The following ITPR2 variants were observed in gnomAD, a reference collection of about 807,000 sequenced individuals.
ITPR2 encodes the protein inositol 1,4,5-trisphosphate receptor type 2.
In ITPR2, 207 loss-of-function variants were observed where a neutral mutation model predicts 317.1. That is an observed-to-expected ratio of 0.65 (90% CI 0.58 to 0.73). The LOEUF is 0.73. ITPR2 is among the 30% of genes least tolerant of loss of function. The pLI, the probability that ITPR2 is intolerant of heterozygous loss-of-function variation, is 0.00. For synonymous variants in ITPR2, 1,156 were observed against 1,149.1 expected (o/e 1.01, Z -0.12); for missense variants, 2,613 against 3,284.0 (o/e 0.80, Z 4.99).
At chr12:26,595,652 A>G in intron 31 of ITPR2, 62 bp from the exon 32 acceptor site, 2 of 1,295,200 alleles carry the variant, frequency 1.5e-6, no homozygotes, top group Non-Finnish European at 2.1e-6. Context: ...TCAAATATCA[A>G]TTATGAAAGG....
chr12:26,640,548 T>C (rs914693269), intron 21 of ITPR2, among the ~76,000 whole-genome samples: 6 of 152,028 alleles, frequency 3.9e-5, no homozygotes, highest in Non-Finnish European at 8.8e-5. Flanking sequence ...AAGTCCCCCA[T>C]AGAACCAGAA....
chr12:26,820,925 G>C (rs1950929090), intron 1 of ITPR2, among the ~76,000 whole-genome samples: 1 of 152,136 alleles, frequency 6.6e-6, no homozygotes. Context: ...ACCTAGAATA[G>C]GCAAATTCAT....
chr12:26,627,357 G>A (rs1258028433), intron 23 of ITPR2: 1 of 152,100 alleles, frequency 6.6e-6, no homozygotes, highest in South Asian at 2.1e-4. Flanking sequence ...TTGGACTCTC[G>A]AGCTGGAGAG....
intron 34 of ITPR2, among the ~76,000 whole-genome samples, chr12:26,572,996 C>CATTT (rs369855705): frequency 0.02 from 2,986 of 149,532 alleles, 43 homozygotes; most frequent in Non-Finnish European, 0.023. Context: ...ACTTGGATTT[C>CATTT]ATTTATTTAT....
intron 54 of ITPR2, among the ~76,000 whole-genome samples, chr12:26,394,707 T>A (rs1474212224): frequency 6.6e-6 from 1 of 152,154 alleles, no homozygotes; most frequent in Non-Finnish European, 1.5e-5. Context: ...AGGAAATGAT[T>A]AATTCAGAGT....
In ITPR2 at chr12:26,600,028, C is replaced by T. The variant is rs1163196761; in HGVS notation, c.3760G>A (p.Val1254Ile). ...AAATTCAGATGTTTATGAAGAAGAA[C>T]TTGATTCTGTGGATTTCCTCGACAG... is the stretch of plus-strand genomic sequence containing the variant. The part of the protein sequence containing the change: ...NFCRGNPQNQ[V>I]LLHKHLNLFL... The change falls in exon 29 of 57, where the codon GTT becomes ATT. Residue 1254 changes from valine (V) to isoleucine (I), a missense_variant. Val to Ile is a conservative substitution (Grantham distance 29). Coordinates refer to ENST00000381340, the MANE Select transcript of ITPR2 (RefSeq NM_002223.4). 5 of 1,607,192 alleles carry T rather than the reference C, an allele frequency of 3.1e-6. No individual in the cohort carries two copies. The highest frequency in any genetic ancestry group is 4.3e-6 in the Non-Finnish European group (5 of 1,174,014).
At chr12:26,502,998 C>T (rs1209514460) in intron 37 of ITPR2, among the ~76,000 whole-genome samples, 3 of 152,070 alleles carry the variant, frequency 2.0e-5, no homozygotes. Flanking sequence ...CACTATCCTG[C>T]TCTATATTGG....
intron 34 of ITPR2, among the ~76,000 whole-genome samples, chr12:26,572,425 T>C (rs1945185769): frequency 4.6e-5 from 7 of 152,204 alleles, no homozygotes; most frequent in Admixed American, 4.6e-4. Context: ...TTTAACCCTT[T>C]AAGGAAGGGA....
At chr12:26,410,666 A>C (rs978406816) in intron 52 of ITPR2, among the ~76,000 whole-genome samples, 3 of 152,128 alleles carry the variant, frequency 2.0e-5, no homozygotes, top group African/African-American at 4.8e-5. Flanking sequence ...TACACTCCCT[A>C]AATCTTTGCT....
intron 37 of ITPR2, among the ~76,000 whole-genome samples, chr12:26,536,083 T>C (rs754281679): frequency 6.6e-6 from 1 of 152,220 alleles, no homozygotes; most frequent in Non-Finnish European, 1.5e-5. Flanking sequence ...ACAGAGTGCC[T>C]GTGTATATAG....
At chr12:26,626,097 G>C (rs1194045059) in intron 23 of ITPR2, among the ~76,000 whole-genome samples, 2 of 152,160 alleles carry the variant, frequency 1.3e-5, no homozygotes, top group African/African-American at 4.8e-5. Flanking sequence ...GAGTAGCTGG[G>C]ACCAAAGGCA....
chr12:26,467,033 C>T (rs2136799599), intron 45 of ITPR2, among the ~76,000 whole-genome samples: 1 of 152,238 alleles, frequency 6.6e-6, no homozygotes, highest in East Asian at 1.9e-4. Flanking sequence ...ATGCTGATTA[C>T]TACATATTAG....
intron 37 of ITPR2, among the ~76,000 whole-genome samples, chr12:26,533,243 A>G (rs1943992382): frequency 6.6e-6 from 1 of 152,224 alleles, no homozygotes; most frequent in Admixed American, 6.5e-5. Flanking sequence ...TCTGGTAGTC[A>G]TTGTCACTTG....
intron 2 of ITPR2, among the ~76,000 whole-genome samples, chr12:26,774,224 T>G (rs1380601097): frequency 6.6e-6 from 1 of 152,142 alleles, no homozygotes; most frequent in Admixed American, 6.5e-5. Flanking sequence ...AACAAACTAA[T>G]AGGTCTACAG....
At chr12:26,409,084 T>C (rs1420780151) in intron 52 of ITPR2, among the ~76,000 whole-genome samples, 4 of 152,158 alleles carry the variant, frequency 2.6e-5, no homozygotes, top group Admixed American at 1.3e-4. Context: ...AAGTCATGGA[T>C]AATGATGGAA....
At chr12:26,417,165 T>G (rs1940745609) in intron 50 of ITPR2, among the ~76,000 whole-genome samples, 1 of 152,176 alleles carries the variant, frequency 6.6e-6, no homozygotes, top group Non-Finnish European at 1.5e-5. Flanking sequence ...ACATACGATT[T>G]TTGATATCAT....
rs528132745 is a variant in ITPR2, at chr12:26,818,466, G to C, written c.92+14224C>G. ...GACCAGGAAAGGAGGCTCATTCTTCGCATGGGTTTTAAATTGGAACTCAGC... is the reference window on the plus strand; with the variant it reads ...GACCAGGAAAGGAGGCTCATTCTTCCCATGGGTTTTAAATTGGAACTCAGC... On this transcript the variant is annotated intron_variant, in intron 1 of 56. Coordinates refer to ENST00000381340, the MANE Select transcript of ITPR2 (RefSeq NM_002223.4). Among the ~76,000 whole-genome samples, 5 of 152,262 alleles carry C rather than the reference G, an allele frequency of 3.3e-5. No individual in the cohort carries two copies. The East Asian group carries it at 9.6e-4, about 29-fold the overall frequency.
intron 26 of ITPR2, among the ~76,000 whole-genome samples, chr12:26,617,651 G>A (rs1946399213): frequency 6.7e-6 from 1 of 148,286 alleles, no homozygotes; most frequent in Non-Finnish European, 1.5e-5. Context: ...AGAAAAGAAA[G>A]GAGGGACGGA....
At chr12:26,772,289 C>T (rs1949857933) in intron 2 of ITPR2, among the ~76,000 whole-genome samples, 1 of 151,120 alleles carries the variant, frequency 6.6e-6, no homozygotes, top group African/African-American at 2.4e-5. Context: ...AATTAAGAAG[C>T]TTTCCTCATC....
Sources: gnomAD v4.1 joint callset for allele counts (sites outside exome capture counted in the v4.1 genomes callset) on GRCh38, gnomAD v4.1.1 for gene constraint, MANE v1.5 for transcripts, NCBI Gene and HGNC (gene_info 2026-07-23, HGNC 2026-07-21) for gene names.